Variants in GALK2 observed in about 807,000 individuals in gnomAD.
The protein encoded by GALK2 is galactokinase 2, also known as N-acetylgalactosamine kinase.
In GALK2, 36 loss-of-function variants were observed where a neutral mutation model predicts 52.4. The observed-to-expected ratio is 0.69, with a 90% confidence interval of 0.53 to 0.91. The LOEUF (loss-of-function observed/expected upper bound fraction) is 0.91, where lower values mean the gene tolerates loss of function less well. GALK2 is among the 40% of genes least tolerant of loss of function. The pLI, the probability that GALK2 is intolerant of heterozygous loss-of-function variation, is 0.00. For synonymous variants in GALK2, 176 were observed against 199.1 expected, an observed-to-expected ratio of 0.88 and a Z score of 0.98; for missense variants, 579 against 559.1, an observed-to-expected ratio of 1.04 and a Z score of -0.36.
chr15:49,361,219 A>T (rs1406546126), intron 3 of GALK2, among the ~76,000 whole-genome samples: 1 of 152,224 alleles, frequency 6.6e-6, no homozygotes, highest in Non-Finnish European at 1.5e-5. Context: ...TAAAAAACTT[A>T]AAAAATATTA....
chr15:49,174,734 T>TA (rs1566903432), intron 1 of GALK2, among the ~76,000 whole-genome samples: 2 of 152,064 alleles, frequency 1.3e-5, no homozygotes, highest in Non-Finnish European at 2.9e-5. Flanking sequence ...TCTATATATA[T>TA]TATAAATATA....
intron 1 of GALK2, among the ~76,000 whole-genome samples, chr15:49,160,185 G>T (rs2084601691): frequency 6.6e-6 from 1 of 152,072 alleles, no homozygotes; most frequent in Non-Finnish European, 1.5e-5. Flanking sequence ...TTAGGCAGGA[G>T]AATTGCTTGC....
intron 1 of GALK2, among the ~76,000 whole-genome samples, chr15:49,195,818 C>CT (rs200025072): frequency 0.053 from 7,347 of 138,540 alleles, 407 homozygotes; most frequent in African/African-American, 0.14. Flanking sequence ...AAGAGAGGGG[C>CT]TTTTTTTTTT....
rs1485916020 is a variant in GALK2, at chr15:49,260,998, T to C, written c.505-20989T>C. Among the ~76,000 whole-genome samples the C allele has an allele frequency of 2.6e-5, 4 of 152,048 alleles. No homozygotes were observed. In the East Asian group the frequency reaches 5.8e-4, roughly 22 times the overall value. On this transcript the variant is annotated intron_variant, in intron 5 of 9. Coordinates refer to ENST00000560031, the MANE Select transcript of GALK2 (RefSeq NM_002044.4). The stretch of plus-strand genomic sequence containing the variant: ...TGTAGTATAGTTTGAAGTCAGGTAG[T>C]GTGATGCCTCCAGCTTTGTACTTTT...
At chr15:49,327,387 C>A (rs8031414) in intron 9 of GALK2, 141,623 of 152,280 alleles carry the variant, frequency 0.93, 65,934 homozygotes, top group Middle Eastern at 0.96. Context: ...TTTAATAACA[C>A]GCTTTTTGTT....
intron 3 of GALK2, chr15:49,365,610 T>C (rs541774632): frequency 4.6e-6 from 5 of 1,094,392 alleles, no homozygotes; most frequent in Admixed American, 1.7e-5. Flanking sequence ...TGATGAATGG[T>C]GTTATGAAAA....
rs2091692238 is a variant in GALK2, at chr15:49,253,427, T to G, written c.504+14060T>G. On this transcript the variant is annotated intron_variant, in intron 5 of 9. Transcript: ENST00000560031. ...CATTGTAAGCAGGAATATTTTTTCT[T>G]TCTTTCTTTTTTTTTGTGGTGAAAG... Among the ~76,000 whole-genome samples the G allele has an allele frequency of 2.1e-5, 3 of 144,702 alleles. No individual in the cohort carries two copies. The South Asian group carries it at 6.8e-4, about 33-fold the overall frequency. 94.9% of individuals were successfully genotyped at this position (144,702 alleles called of 152,430 possible). A position where few individuals can be genotyped will look rare whatever the true frequency, so the allele number is the denominator to read the frequency against.
At chr15:49,278,719 C>T (rs73394333) in intron 5 of GALK2, among the ~76,000 whole-genome samples, 25,554 of 152,092 alleles carry the variant, frequency 0.17, 2,420 homozygotes, top group Non-Finnish European at 0.21. Flanking sequence ...TAATTACTAG[C>T]CTAGTCTCAG....
intron 5 of GALK2, among the ~76,000 whole-genome samples, chr15:49,276,238 C>T (rs962787552): frequency 6.6e-6 from 1 of 152,162 alleles, no homozygotes; most frequent in African/African-American, 2.4e-5. Context: ...AAAGAAAATA[C>T]ATGGTAGAGA....
intron 3 of GALK2, among the ~76,000 whole-genome samples, chr15:49,339,726 C>T (rs2040377685): frequency 6.6e-6 from 1 of 152,184 alleles, no homozygotes; most frequent in Non-Finnish European, 1.5e-5. Context: ...GTGCCTACAA[C>T]CGCCCCTTGC....
chr15:49,224,466 T>C (rs1223682480), intron 3 of GALK2, among the ~76,000 whole-genome samples: 3 of 152,212 alleles, frequency 2.0e-5, no homozygotes, highest in Admixed American at 2.0e-4. Flanking sequence ...TGAGGTCTTA[T>C]ATTTAAATCT....
intron 1 of GALK2, among the ~76,000 whole-genome samples, chr15:49,157,497 A>G (rs1190758081): frequency 6.6e-6 from 1 of 152,216 alleles, no homozygotes; most frequent in East Asian, 1.9e-4. Flanking sequence ...TGTTTACGAA[A>G]TGTTGGGAAT....
chr15:49,238,128 A>G (rs184825086), intron 4 of GALK2, among the ~76,000 whole-genome samples: 3 of 152,190 alleles, frequency 2.0e-5, no homozygotes, highest in Non-Finnish European at 4.4e-5. Flanking sequence ...TCTCCCTTGT[A>G]TAATAGGTAT....
chr15:49,358,104 A>G (rs2043496877), intron 3 of GALK2, among the ~76,000 whole-genome samples: 2 of 151,920 alleles, frequency 1.3e-5, no homozygotes. Context: ...AATAAGAGCT[A>G]TCTATGACAA....
chr15:49,196,230 T>C (rs1171568751), intron 1 of GALK2, among the ~76,000 whole-genome samples: 1 of 152,150 alleles, frequency 6.6e-6, no homozygotes, highest in Non-Finnish European at 1.5e-5. Flanking sequence ...AGTTTCCTAT[T>C]ATCATTTTTC....
intron 1 of GALK2, among the ~76,000 whole-genome samples, chr15:49,185,096 T>A (rs2086251016): frequency 6.6e-6 from 1 of 152,154 alleles, no homozygotes; most frequent in African/African-American, 2.4e-5. Context: ...ATAAGCATAG[T>A]ACCTGATAGT....
At chr15:49,332,381 A>G (rs916543696), downstream of GALK2, among the ~76,000 whole-genome samples, 6 of 152,244 alleles carry the variant, frequency 3.9e-5, no homozygotes, top group Admixed American at 1.3e-4. Context: ...GGAAAAGGCC[A>G]GTGGGTGACA....
intron 1 of GALK2, among the ~76,000 whole-genome samples, chr15:49,187,656 A>G (rs1397331549): frequency 6.6e-6 from 1 of 150,882 alleles, no homozygotes; most frequent in African/African-American, 2.4e-5. Context: ...AGTCTTTCCC[A>G]CTCTTCCCTC....
At chr15:49,362,844 G>A (rs2044486090) in intron 3 of GALK2, among the ~76,000 whole-genome samples, 1 of 151,992 alleles carries the variant, frequency 6.6e-6, no homozygotes, top group East Asian at 1.9e-4. Context: ...TCTGCATATA[G>A]CTAGCCAGTT....
Sources: gnomAD v4.1 joint callset for allele counts (sites outside exome capture counted in the v4.1 genomes callset) on GRCh38, gnomAD v4.1.1 for gene constraint, MANE v1.5 for transcripts, NCBI Gene and HGNC (gene_info 2026-07-23, HGNC 2026-07-21) for gene names.